Variants in CNTN4 observed in about 807,000 individuals in gnomAD.
CNTN4 encodes contactin 4.
CNTN4 carries 77 observed loss-of-function variants against 122.5 expected under a neutral mutation model. That is an observed-to-expected ratio of 0.63 (90% confidence interval 0.52 to 0.76). The LOEUF is 0.76. Ranked by LOEUF, CNTN4 falls within the 30% of genes least tolerant of loss-of-function variation. CNTN4 has a pLI of 0.00. For synonymous variants in CNTN4, 512 were observed against 447.0 expected, an observed-to-expected ratio of 1.15 and a Z score of -1.83; for missense variants, 1,256 against 1,259.1, an observed-to-expected ratio of 1.00 and a Z score of 0.04.
intron 2 of CNTN4, among the ~76,000 whole-genome samples, chr3:2,333,781 C>A (rs1208409790): frequency 6.6e-6 from 1 of 152,082 alleles, no homozygotes; most frequent in Non-Finnish European, 1.5e-5. Flanking sequence ...AGTTTAATAA[C>A]CCTGATGTTA....
intron 2 of CNTN4, among the ~76,000 whole-genome samples, chr3:2,105,447 G>A (rs958078518): frequency 6.6e-5 from 10 of 152,110 alleles, no homozygotes; most frequent in African/African-American, 1.4e-4. Context: ...ACTCAGTTCC[G>A]CATGGCCTCA....
intron 3 of CNTN4, among the ~76,000 whole-genome samples, chr3:2,394,241 T>C (rs1575539934): frequency 2.0e-5 from 3 of 152,106 alleles, no homozygotes; most frequent in Admixed American, 2.0e-4. Flanking sequence ...CCCTAGAGGC[T>C]GAGTAGGCAG....
intron 3 of CNTN4, among the ~76,000 whole-genome samples, chr3:2,545,650 G>A (rs1419734601): frequency 6.7e-6 from 1 of 149,848 alleles, no homozygotes; most frequent in Admixed American, 6.7e-5. Flanking sequence ...ATCTTTGCTG[G>A]TATAAAGTCT....
intron 2 of CNTN4, among the ~76,000 whole-genome samples, chr3:2,309,775 C>G (rs1240076635): frequency 6.6e-6 from 1 of 152,082 alleles, no homozygotes; most frequent in Non-Finnish European, 1.5e-5. Context: ...GTTTGTGGAA[C>G]AAGCAAGTTA....
At chr3:2,981,971 G>A (rs960482947) in intron 13 of CNTN4, among the ~76,000 whole-genome samples, 3 of 152,120 alleles carry the variant, frequency 2.0e-5, no homozygotes, top group Admixed American at 6.5e-5. Flanking sequence ...CCAGGAGTTG[G>A]AAGTTGCAGT....
At chr3:2,735,361 C>T (rs759074440) in intron 4 of CNTN4, among the ~76,000 whole-genome samples, 2 of 152,180 alleles carry the variant, frequency 1.3e-5, no homozygotes, top group Non-Finnish European at 2.9e-5. Context: ...GACACTGCCA[C>T]TTAAGGTATG....
intron 3 of CNTN4, among the ~76,000 whole-genome samples, chr3:2,416,343 A>G (rs989362021): frequency 6.6e-6 from 1 of 152,176 alleles, no homozygotes; most frequent in African/African-American, 2.4e-5. Context: ...TACTTAATTT[A>G]TCAATGCCAT....
chr3:2,125,711 C>G (rs1037192718), intron 2 of CNTN4, among the ~76,000 whole-genome samples: 1 of 151,860 alleles, frequency 6.6e-6, no homozygotes, highest in Non-Finnish European at 1.5e-5. Context: ...GCGCCTGCCA[C>G]CATGCCCGGC....
intron 3 of CNTN4, among the ~76,000 whole-genome samples, chr3:2,567,172 C>T (rs923391178): frequency 4.6e-5 from 7 of 151,656 alleles, no homozygotes; most frequent in South Asian, 4.2e-4. Flanking sequence ...CTGCAACCTC[C>T]GCCTCCTGGG....
rs1042196826 is a variant in CNTN4 at position 2,362,833 on chromosome 3, C to T, written c.-89+23600C>T. On this transcript the variant is annotated intron_variant, in intron 3 of 24. Coordinates refer to ENST00000418658, the MANE Select transcript of CNTN4 (RefSeq NM_175607.3). The stretch of plus-strand genomic sequence containing the variant: ...TGTGATGTTAATAAAACTGCTCTCT[C>T]CCAAAAAACAATCAATCAGTCAATA... 13 of 180,110 alleles carry T rather than the reference C, an allele frequency of 7.2e-5. 1 individual carries two copies. The South Asian group carries it at 1.6e-3, about 22-fold the overall frequency. 11.2% of individuals were successfully genotyped at this position (180,110 alleles called of 1,614,324 possible).
chr3:2,602,947 C>T (rs182368189), intron 4 of CNTN4, among the ~76,000 whole-genome samples: 7 of 152,150 alleles, frequency 4.6e-5, no homozygotes, highest in Non-Finnish European at 1.0e-4. Flanking sequence ...ATTAAGGCAA[C>T]TGAATGAACT....
At chr3:2,286,870 A>T (rs1202553371) in intron 2 of CNTN4, among the ~76,000 whole-genome samples, 2 of 152,210 alleles carry the variant, frequency 1.3e-5, no homozygotes, top group African/African-American at 2.4e-5. Flanking sequence ...ATGAGTTAAG[A>T]TTCAAGCATG....
At chr3:2,697,763 G>A (rs2086125192) in intron 4 of CNTN4, among the ~76,000 whole-genome samples, 2 of 152,154 alleles carry the variant, frequency 1.3e-5, no homozygotes, top group Non-Finnish European at 2.9e-5. Flanking sequence ...GCAGTTGTGA[G>A]GGCTGTCAAG....
intron 2 of CNTN4, among the ~76,000 whole-genome samples, chr3:2,280,975 G>A (rs1295973837): frequency 6.6e-6 from 1 of 152,176 alleles, no homozygotes; most frequent in African/African-American, 2.4e-5. Flanking sequence ...TTAGTGAAAA[G>A]TTGAGATTTG....
At chr3:2,464,980 T>C (rs955606199) in intron 3 of CNTN4, among the ~76,000 whole-genome samples, 1 of 152,216 alleles carries the variant, frequency 6.6e-6, no homozygotes, top group African/African-American at 2.4e-5. Context: ...TCTAGAAATG[T>C]ATAAACTATA....
At chr3:2,595,690 C>T (rs1303784680) in intron 4 of CNTN4, among the ~76,000 whole-genome samples, 4 of 152,108 alleles carry the variant, frequency 2.6e-5, no homozygotes, top group South Asian at 4.1e-4. Flanking sequence ...GGGTGTAGCC[C>T]CTCCTACTGG....
intron 3 of CNTN4, among the ~76,000 whole-genome samples, chr3:2,407,310 C>T (rs945458157): frequency 2.6e-5 from 4 of 152,212 alleles, no homozygotes; most frequent in Admixed American, 6.5e-5. Flanking sequence ...CAAATACCTT[C>T]TGAGAAACCC....
At chr3:2,781,746 A>ATT (rs2091578415) in intron 6 of CNTN4, among the ~76,000 whole-genome samples, 2 of 102,814 alleles carry the variant, frequency 1.9e-5, no homozygotes, top group African/African-American at 9.1e-5. Flanking sequence ...TTTTTTTGAG[A>ATT]CGGAGTGTCG....
intron 6 of CNTN4, among the ~76,000 whole-genome samples, chr3:2,789,582 G>A (rs187592785): frequency 2.2e-4 from 34 of 152,250 alleles, no homozygotes; most frequent in African/African-American, 6.0e-4. Flanking sequence ...ACAGGCTTGC[G>A]CCACCATGCC....
Sources: allele counts gnomAD v4.1 joint callset (sites outside exome capture counted in the v4.1 genomes callset), GRCh38; gene constraint gnomAD v4.1.1; transcripts MANE v1.5; gene names NCBI Gene and HGNC (gene_info 2026-07-23, HGNC 2026-07-21).